The following JAKMIP3 variants were observed in gnomAD, a reference collection of about 807,000 sequenced individuals.
JAKMIP3 encodes janus kinase and microtubule-interacting protein 3.
JAKMIP3 carries 58 observed loss-of-function variants against 118.5 expected under a neutral mutation model. The ratio of observed to expected loss-of-function variants is 0.49; its 90% CI spans 0.40 to 0.61. The LOEUF (loss-of-function observed/expected upper bound fraction) is 0.61, where lower values mean the gene tolerates loss of function less well. Among genes scored for constraint, JAKMIP3 ranks in the 20% least tolerant of loss-of-function variants. The pLI is 0.00. For missense variants in JAKMIP3, 950 were observed against 1,109.0 expected, an observed-to-expected ratio of 0.86 and a Z score of 2.04; for synonymous variants, 486 against 451.2, an observed-to-expected ratio of 1.08 and a Z score of -0.98.
chr10:132,036,408 GGT>G (rs906759899), upstream of JAKMIP3, among the ~76,000 whole-genome samples: 2 of 152,222 alleles, frequency 1.3e-5, no homozygotes, highest in African/African-American at 2.4e-5. Context: ...CTGAGCGGCG[GGT>G]GAGTCCCTCT....
chr10:132,164,548 G>A (rs544560439), intron 20 of JAKMIP3, 122 bp from the exon 21 acceptor site: 89 of 685,884 alleles, frequency 1.3e-4, no homozygotes, highest in Non-Finnish European at 2.0e-4. Context: ...GGAGCCACGG[G>A]CCATGGCCAT....
intron 1 of JAKMIP3, among the ~76,000 whole-genome samples, chr10:132,046,441 G>C (rs899085648): frequency 6.9e-6 from 1 of 145,340 alleles, no homozygotes; most frequent in Non-Finnish European, 1.5e-5. Context: ...GGGTGACAGA[G>C]CAAGACTCCG....
chr10:132,151,169 A>T (rs1329504473), intron 16 of JAKMIP3, among the ~76,000 whole-genome samples: 1 of 151,232 alleles, frequency 6.6e-6, no homozygotes, highest in East Asian at 2.0e-4. Context: ...AAAATCCATC[A>T]ATCCATCCAC....
Position 132,058,421 on chromosome 10 carries a change from C to T in JAKMIP3, c.-138+21683C>T, listed in dbSNP as rs567485601. Among the ~76,000 whole-genome samples the T allele has an allele frequency of 2.1e-4, 32 of 152,298 alleles. No individual in the cohort carries two copies. In the South Asian group the frequency reaches 6.4e-3, roughly 31 times the overall value. On this transcript the variant is annotated intron_variant, in intron 1 of 23. Transcript: ENST00000657785. ...GACGGCCTCCATCGGGAAGAGGTAG[C>T]GAGGCTTTTGCTCAACTTCCCTGCA...
chr10:132,145,617 G>A lies in JAKMIP3; in HGVS notation c.1749+37G>A, dbSNP rs764262810. 94 of 1,524,470 alleles carry A rather than the reference G, an allele frequency of 6.2e-5. 1 individual carries two copies. In the South Asian group the frequency reaches 1.0e-3, roughly 17 times the overall value. 94.4% of individuals were successfully genotyped at this position (1,524,470 alleles called of 1,614,324 possible). A position where few individuals can be genotyped will look rare whatever the true frequency, so the allele number is the denominator to read the frequency against. On this transcript the variant is annotated intron_variant, in intron 13 of 23. Coordinates refer to ENST00000684848, the MANE Select transcript of JAKMIP3 (RefSeq NM_001323087.2). ...ACCCCTGGAGGCCCTGGCAGGACTC[G>A]CTCTATGCTCCTGGGGGTTGCAGTG...
chr10:132,069,228 A>T (rs1328482309), intron 1 of JAKMIP3, among the ~76,000 whole-genome samples: 1 of 152,136 alleles, frequency 6.6e-6, no homozygotes, highest in Admixed American at 6.5e-5. Flanking sequence ...TTCCTGCCTG[A>T]GGAGGACTCT....
chr10:132,070,868 G>A (rs1248176323), intron 1 of JAKMIP3, among the ~76,000 whole-genome samples: 1 of 152,088 alleles, frequency 6.6e-6, no homozygotes, highest in African/African-American at 2.4e-5. Context: ...ACAAGCGCTG[G>A]GCTTGCAGCT....
At chr10:132,067,750 G>GTGGGCTTCCGTGTGGACTC (rs1314521013) in intron 1 of JAKMIP3, among the ~76,000 whole-genome samples, 2 of 145,304 alleles carry the variant, frequency 1.4e-5, no homozygotes, top group African/African-American at 5.2e-5. Context: ...GGACTGGACT[G>GTGGGCTTCCGTGTGGACTC]TGGGCTTCCG....
chr10:132,145,097 C>A lies in JAKMIP3; in HGVS notation c.1603-10C>A. ...AGAAAATTTGATGTATCTTTCCTCC[C>A]GTCCTACAGACCCGTGAGCAGCTAC... On this transcript the variant is annotated splice_polypyrimidine_tract_variant and intron_variant, in intron 11 of 23. Coordinates refer to ENST00000684848, the MANE Select transcript of JAKMIP3 (RefSeq NM_001323087.2). 1.2e-6 allele frequency: 2 copies of A among 1,610,068 alleles called. No individual in the cohort carries two copies.
At chr10:132,078,535 C>A (rs1308986137) in intron 1 of JAKMIP3, among the ~76,000 whole-genome samples, 1 of 149,562 alleles carries the variant, frequency 6.7e-6, no homozygotes, top group African/African-American at 2.5e-5. Context: ...AGATTCATTT[C>A]TCCTCAAGTC....
intron 2 of JAKMIP3, among the ~76,000 whole-genome samples, chr10:132,109,180 G>A (rs993615331): frequency 1.3e-5 from 2 of 151,454 alleles, no homozygotes; most frequent in African/African-American, 4.9e-5. Flanking sequence ...ACTGGGCATG[G>A]TGGCACTCAC....
At chr10:132,096,528 G>A (rs1167687878) in intron 1 of JAKMIP3, among the ~76,000 whole-genome samples, 3 of 152,176 alleles carry the variant, frequency 2.0e-5, no homozygotes, top group South Asian at 2.1e-4. Context: ...AAGTGCACTC[G>A]CAAATTTTAA....
chr10:132,138,742 G>A (rs1028122115), intron 9 of JAKMIP3, among the ~76,000 whole-genome samples: 7 of 152,148 alleles, frequency 4.6e-5, no homozygotes, highest in African/African-American at 1.4e-4. Context: ...TGTAGGGTCC[G>A]AGTCCCCACG....
chr10:132,098,004 C>CTTTCCCTTTCCCTTTCCCTTTCCT (rs1199956471), intron 1 of JAKMIP3, among the ~76,000 whole-genome samples: 5 of 49,218 alleles, frequency 1.0e-4, no homozygotes, highest in African/African-American at 3.3e-4. Context: ...TCCCCTTCCC[C>CTTTCCCTTTCCCTTTCCCTTTCCT]TCCTTCCTTT....
At chr10:132,090,237 G>A (rs1210419987) in intron 1 of JAKMIP3, among the ~76,000 whole-genome samples, 1 of 152,194 alleles carries the variant, frequency 6.6e-6, no homozygotes, top group East Asian at 1.9e-4. Context: ...AATGAGTTAG[G>A]GAGGATTCCC....
At chr10:132,170,942 G>T (rs964262195) in intron 23 of JAKMIP3, among the ~76,000 whole-genome samples, 2 of 152,240 alleles carry the variant, frequency 1.3e-5, no homozygotes, top group African/African-American at 4.8e-5. Context: ...CAAGCGTCAC[G>T]TTGCACCAGG....
rs200733379 is a variant in JAKMIP3, at chr10:132,109,093, C to T, written c.135+4150C>T. Among the ~76,000 whole-genome samples, 55 of 138,886 alleles carry T rather than the reference C, an allele frequency of 4.0e-4. 3 individuals carry two copies. The highest frequency in any genetic ancestry group is 1.1e-3 in the East Asian group (5 of 4,652). The allele number at this position is 138,886 out of a possible 152,430, so 91.1% of individuals were successfully genotyped here. ...ACACATACACATATATATACACACA[C>T]ATATATATATACACACACACATATA... On this transcript the variant is annotated intron_variant, in intron 2 of 23. Coordinates refer to ENST00000684848, the MANE Select transcript of JAKMIP3 (RefSeq NM_001323087.2).
intron 19 of JAKMIP3, among the ~76,000 whole-genome samples, chr10:132,157,681 C>T (rs779879205): frequency 1.3e-5 from 2 of 152,210 alleles, no homozygotes; most frequent in African/African-American, 2.4e-5. Context: ...AACTCCACGC[C>T]ACGTCTGTTT....
upstream of JAKMIP3, among the ~76,000 whole-genome samples, chr10:132,036,553 C>A (rs1452810048): frequency 6.6e-6 from 1 of 151,930 alleles, no homozygotes; most frequent in Non-Finnish European, 1.5e-5. Context: ...GGGGGAGGAT[C>A]GCGGCGGGGG....
Sources: gnomAD v4.1 joint callset for allele counts (sites outside exome capture counted in the v4.1 genomes callset) on GRCh38, gnomAD v4.1.1 for gene constraint, MANE v1.5 for transcripts, NCBI Gene and HGNC (gene_info 2026-07-23, HGNC 2026-07-21) for gene names.